MYO1D: variants seen among roughly 807,000 people sequenced by gnomAD.
MYO1D encodes unconventional myosin-Id.
MYO1D carries 83 observed loss-of-function variants against 122.0 expected under a neutral mutation model. The observed-to-expected ratio is 0.68, with a 90% CI of 0.57 to 0.82. MYO1D has a LOEUF of 0.82. Among genes scored for constraint, MYO1D ranks in the 40% least tolerant of loss-of-function variants. MYO1D has a pLI of 0.00. For synonymous variants in MYO1D, 464 were observed against 446.9 expected (o/e 1.04, Z -0.48); for missense variants, 1,157 against 1,269.5 (o/e 0.91, Z 1.35).
chr17:32,822,126 A>G (rs1183946084), intron 1 of MYO1D, among the ~76,000 whole-genome samples: 1 of 124,042 alleles, frequency 8.1e-6, no homozygotes, highest in Non-Finnish European at 1.8e-5. Context: ...AACCAACCCA[A>G]ATGTCCAACA....
rs58786179 is a variant in MYO1D at position 32,824,066 on chromosome 17, C to CAAAAAA, written c.96-43288_96-43283dup. On this transcript the variant is annotated intron_variant, in intron 1 of 21. Transcript: ENST00000318217. ...TGGGCGATAGAGCAAGACTCCGTCT[C>CAAAAAA]AAAAAAAAAAAAAAAAAAGAAGTAC... 1.9e-3 allele frequency among the ~76,000 whole-genome samples: 172 copies of CAAAAAA among 92,478 alleles called. 3 individuals carry two copies. The highest frequency in any genetic ancestry group is 6.7e-3 in the African/African-American group (157 of 23,508). 60.7% of individuals were successfully genotyped at this position (92,478 alleles called of 152,430 possible). A position where few individuals can be genotyped will look rare whatever the true frequency, so the allele number is the denominator to read the frequency against.
At chr17:32,655,464 G>A (rs150124020) in intron 17 of MYO1D, among the ~76,000 whole-genome samples, 6 of 152,216 alleles carry the variant, frequency 3.9e-5, no homozygotes, top group Non-Finnish European at 7.4e-5. Flanking sequence ...GTTTATATAG[G>A]GTGGTTTATA....
chr17:32,728,016 C>A (rs146869259), intron 14 of MYO1D, among the ~76,000 whole-genome samples: 126 of 152,106 alleles, frequency 8.3e-4, no homozygotes, highest in African/African-American at 2.9e-3. Context: ...CTTGAATGAG[C>A]CTAACAAATT....
intron 15 of MYO1D, among the ~76,000 whole-genome samples, chr17:32,717,919 G>A (rs1303407553): frequency 2.6e-5 from 4 of 151,944 alleles, no homozygotes; most frequent in African/African-American, 4.8e-5. Flanking sequence ...GCCACTGTTC[G>A]AATAGTGCCT....
chr17:32,540,947 CA>C (rs1910822631), intron 21 of MYO1D, among the ~76,000 whole-genome samples: 1 of 142,758 alleles, frequency 7.0e-6, no homozygotes, highest in East Asian at 2.0e-4. Context: ...AAAAAAAAGA[CA>C]GTAAGTGTTG....
intron 1 of MYO1D, among the ~76,000 whole-genome samples, chr17:32,844,066 T>C (rs948717285): frequency 6.6e-5 from 10 of 150,748 alleles, no homozygotes; most frequent in Admixed American, 1.3e-4. Flanking sequence ...AGCATAATGA[T>C]AACCTTATTA....
At chr17:32,521,513 G>A (rs778102450) in intron 21 of MYO1D, among the ~76,000 whole-genome samples, 23 of 152,302 alleles carry the variant, frequency 1.5e-4, no homozygotes, top group Admixed American at 5.2e-4. Flanking sequence ...TAGCCATAGC[G>A]TCAAGGAATA....
chr17:32,732,829 C>T (rs1167043688), intron 14 of MYO1D, among the ~76,000 whole-genome samples: 1 of 152,136 alleles, frequency 6.6e-6, no homozygotes, highest in African/African-American at 2.4e-5. Context: ...GAGCTGTGGC[C>T]CTTCAGGGAG....
rs1379299332 is a variant in MYO1D at position 32,589,901 on chromosome 17, G to GT, written c.2864+15185dup. ...TTACTGAGGTTTAACACCTGCCTTT[G>GT]TAACTTCTATCTTGCTAGTTCTTTC... On this transcript the variant is annotated intron_variant, in intron 21 of 21. Coordinates refer to ENST00000318217, the MANE Select transcript of MYO1D (RefSeq NM_015194.3). Among the ~76,000 whole-genome samples, 6 of 152,256 alleles carry GT rather than the reference G, an allele frequency of 3.9e-5. No homozygotes were observed. In the East Asian group the frequency reaches 9.6e-4, roughly 24 times the overall value.
intron 1 of MYO1D, among the ~76,000 whole-genome samples, chr17:32,875,853 C>T (rs1409016569): frequency 6.6e-6 from 1 of 152,198 alleles, no homozygotes; most frequent in Non-Finnish European, 1.5e-5. Context: ...AACATACACA[C>T]GCACACCAAA....
intron 21 of MYO1D, among the ~76,000 whole-genome samples, chr17:32,546,829 T>C (rs996637184): frequency 2.6e-5 from 4 of 152,156 alleles, no homozygotes; most frequent in Non-Finnish European, 4.4e-5. Flanking sequence ...CAAAGTGATG[T>C]TTGCTTTATT....
chr17:32,692,747 C>T (rs2089120252), intron 16 of MYO1D, among the ~76,000 whole-genome samples: 2 of 152,138 alleles, frequency 1.3e-5, no homozygotes, highest in South Asian at 4.1e-4. Context: ...CACTGAAACT[C>T]CCAAACTGAG....
intron 21 of MYO1D, among the ~76,000 whole-genome samples, chr17:32,596,878 T>C (rs184979204): frequency 3.9e-5 from 6 of 152,300 alleles, no homozygotes; most frequent in Non-Finnish European, 7.3e-5. Context: ...ATCTGTTTAG[T>C]AGTGGGCAGA....
chr17:32,574,730 G>A (rs981576861), intron 21 of MYO1D, among the ~76,000 whole-genome samples: 7 of 152,208 alleles, frequency 4.6e-5, no homozygotes, highest in East Asian at 1.9e-4. Flanking sequence ...AAAGGTACAC[G>A]AGGTGCAGCT....
At chr17:32,787,961 G>A (rs990676182) in intron 1 of MYO1D, among the ~76,000 whole-genome samples, 7 of 152,184 alleles carry the variant, frequency 4.6e-5, no homozygotes, top group African/African-American at 1.7e-4. Context: ...ATTCCATGGT[G>A]TATCTATACC....
chr17:32,551,533 TC>T (rs1188216991), intron 21 of MYO1D, among the ~76,000 whole-genome samples: 2 of 140,386 alleles, frequency 1.4e-5, no homozygotes, highest in East Asian at 3.9e-4. Flanking sequence ...TTTCTCTATG[TC>T]CCCCCACCCA....
chr17:32,578,019 G>T (rs554357177), intron 21 of MYO1D, among the ~76,000 whole-genome samples: 1 of 152,296 alleles, frequency 6.6e-6, no homozygotes, highest in South Asian at 2.1e-4. Flanking sequence ...GATTACAGGC[G>T]TGAGCCACCG....
At chr17:32,517,940 C>T (rs369555963) in intron 21 of MYO1D, among the ~76,000 whole-genome samples, 5 of 151,940 alleles carry the variant, frequency 3.3e-5, no homozygotes, top group South Asian at 4.2e-4. Context: ...CCTGCCACCC[C>T]GGCTCTCCCT....
At chr17:32,506,258 A>G (rs554492111) in intron 21 of MYO1D, among the ~76,000 whole-genome samples, 3 of 152,300 alleles carry the variant, frequency 2.0e-5, no homozygotes, top group African/African-American at 7.2e-5. Context: ...CACATTCACT[A>G]TACGAAACAA....
Sources: gnomAD v4.1 joint callset for allele counts (sites outside exome capture counted in the v4.1 genomes callset) on GRCh38, gnomAD v4.1.1 for gene constraint, MANE v1.5 for transcripts, NCBI Gene and HGNC (gene_info 2026-07-23, HGNC 2026-07-21) for gene names.